ABCA13: variants seen among roughly 807,000 people sequenced by gnomAD.
The protein encoded by ABCA13 is ATP binding cassette subfamily A member 13, also known as ATP-binding cassette sub-family A member 13.
In ABCA13, 476 loss-of-function variants were observed where a neutral mutation model predicts 478.7. The observed-to-expected ratio is 0.99, with a 90% CI of 0.92 to 1.07. The LOEUF (loss-of-function observed/expected upper bound fraction) is 1.07. Among genes scored for constraint, ABCA13 ranks in the 50% least tolerant of loss-of-function variants. The pLI is 0.00. For synonymous variants in ABCA13, 2,252 were observed against 2,158.9 expected (o/e 1.04, Z -1.20); for missense variants, 6,060 against 5,910.6 (o/e 1.03, Z -0.83).
intron 46 of ABCA13, among the ~76,000 whole-genome samples, chr7:48,481,649 G>A (rs150901668): frequency 0.031 from 2,223 of 71,570 alleles, 64 homozygotes; most frequent in African/African-American, 0.1. Context: ...GGGTCTACAG[G>A]CACCTGCCAC....
chr7:48,289,434 C>T (rs1219006139), intron 20 of ABCA13, among the ~76,000 whole-genome samples: 1 of 150,394 alleles, frequency 6.6e-6, no homozygotes, highest in Non-Finnish European at 1.5e-5. Context: ...TCTCGGCTCA[C>T]TGCAACCTCT....
At chr7:48,230,809 A>G (rs999930131) in intron 7 of ABCA13, among the ~76,000 whole-genome samples, 1 of 152,090 alleles carries the variant, frequency 6.6e-6, no homozygotes, top group Non-Finnish European at 1.5e-5. Context: ...CCACCTCCCC[A>G]TTCATCTACT....
intron 20 of ABCA13, among the ~76,000 whole-genome samples, chr7:48,291,167 T>C (rs1798480024): frequency 6.6e-6 from 1 of 152,142 alleles, no homozygotes; most frequent in African/African-American, 2.4e-5. Flanking sequence ...AAATGGGGTC[T>C]GTGCACATTA....
At chr7:48,478,837 T>G (rs1284043788) in intron 45 of ABCA13, among the ~76,000 whole-genome samples, 1 of 152,078 alleles carries the variant, frequency 6.6e-6, no homozygotes, top group Non-Finnish European at 1.5e-5. Context: ...CCTTGAAGCT[T>G]CTTTAGCTCA....
intron 41 of ABCA13, among the ~76,000 whole-genome samples, chr7:48,425,198 C>T (rs1402827585): frequency 2.0e-5 from 3 of 152,246 alleles, no homozygotes; most frequent in Middle Eastern, 6.8e-3. Context: ...TGTGCATATA[C>T]ATTCACACAT....
intron 31 of ABCA13, among the ~76,000 whole-genome samples, chr7:48,362,261 T>C (rs1810972941): frequency 6.6e-6 from 1 of 150,392 alleles, no homozygotes; most frequent in Admixed American, 6.6e-5. Flanking sequence ...CCTGTGGAGT[T>C]TGGCTTTTGG....
intron 31 of ABCA13, among the ~76,000 whole-genome samples, chr7:48,365,879 C>G (rs1477280556): frequency 1.3e-5 from 2 of 152,046 alleles, no homozygotes; most frequent in Non-Finnish European, 2.9e-5. Context: ...GAAAAGATAT[C>G]CTATGCTTAT....
intron 20 of ABCA13, among the ~76,000 whole-genome samples, chr7:48,292,488 T>C (rs1317398793): frequency 6.6e-6 from 1 of 152,144 alleles, no homozygotes; most frequent in East Asian, 1.9e-4. Context: ...GTTACTCCTT[T>C]GCTGAGAGTG....
intron 41 of ABCA13, among the ~76,000 whole-genome samples, chr7:48,421,633 G>C (rs1820754024): frequency 6.6e-6 from 1 of 152,120 alleles, no homozygotes; most frequent in Non-Finnish European, 1.5e-5. Context: ...CCCAGCCCTG[G>C]CTCTAGAATC....
At chr7:48,600,187 C>T (rs1187534266) in intron 58 of ABCA13, among the ~76,000 whole-genome samples, 1 of 152,094 alleles carries the variant, frequency 6.6e-6, no homozygotes, top group Non-Finnish European at 1.5e-5. Flanking sequence ...TTTACTCTAG[C>T]AGTATGTTTT....
At chr7:48,190,184 A>G (rs568982693) in intron 1 of ABCA13, among the ~76,000 whole-genome samples, 1 of 152,194 alleles carries the variant, frequency 6.6e-6, no homozygotes, top group Non-Finnish European at 1.5e-5. Flanking sequence ...AAAAATCCAC[A>G]TTAAAAATCA....
At position 48,272,203 on chromosome 7, in the gene ABCA13, A is replaced by G; in HGVS notation, c.2537A>G (p.Lys846Arg). 1 of 1,611,572 alleles carries G rather than the reference A, an allele frequency of 6.2e-7. No homozygotes were observed. Among genetic ancestry groups the G allele is most frequent in the South Asian group, 1.1e-5 (1 of 90,488 alleles). ...ELWAYGISKG[K>R]RAKLENFFTL... ...TGGGCCTATGGCATTTCAAAAGGAA[A>G]AAGAGCTAAATTGGAAAACTTCTTT... is the stretch of plus-strand genomic sequence containing the variant. Residue 846 changes from lysine to arginine, a missense_variant, in exon 17 of 62, where the codon AAA becomes AGA. This residue lies in a region of ABCA13 where 4,423 missense variants were observed against 4,309.1 expected (regional missense o/e 1.03). Coordinates refer to ENST00000435803, the MANE Select transcript of ABCA13 (RefSeq NM_152701.5).
intron 15 of ABCA13, among the ~76,000 whole-genome samples, chr7:48,253,186 C>G (rs1792836666): frequency 6.6e-6 from 1 of 152,200 alleles, no homozygotes; most frequent in African/African-American, 2.4e-5. Flanking sequence ...GGTCTGCAGA[C>G]TCCCTGCAGC....
intron 2 of ABCA13, among the ~76,000 whole-genome samples, chr7:48,196,838 T>C (rs1454457168): frequency 6.6e-6 from 1 of 152,148 alleles, no homozygotes; most frequent in African/African-American, 2.4e-5. Flanking sequence ...CACCACCATG[T>C]GGAAGATGTT....
At chr7:48,196,518 G>C (rs1217822831) in intron 2 of ABCA13, among the ~76,000 whole-genome samples, 3 of 152,112 alleles carry the variant, frequency 2.0e-5, no homozygotes, top group Admixed American at 2.0e-4. Context: ...GGCTCCCAGG[G>C]CTGCTGTGAG....
chr7:48,248,126 T>G, intron 13 of ABCA13, 113 bp from the exon 14 acceptor site: 1 of 807,494 alleles, frequency 1.2e-6, no homozygotes, highest in Admixed American at 2.6e-5. Flanking sequence ...CGATCTTTGA[T>G]GTACAGTTTG....
chr7:48,258,247 T>C, intron 15 of ABCA13, among the ~76,000 whole-genome samples: 1 of 152,212 alleles, frequency 6.6e-6, no homozygotes, highest in Non-Finnish European at 1.5e-5. Context: ...TTTAAATTAC[T>C]GATTCAATTT....
intron 42 of ABCA13, among the ~76,000 whole-genome samples, chr7:48,436,934 A>G (rs1244322670): frequency 6.6e-6 from 1 of 151,902 alleles, no homozygotes; most frequent in Admixed American, 6.6e-5. Context: ...GTTATGTAGT[A>G]TAACATGTGA....
At chr7:48,323,622 A>G (rs1803856040) in intron 27 of ABCA13, among the ~76,000 whole-genome samples, 1 of 152,230 alleles carries the variant, frequency 6.6e-6, no homozygotes, top group Non-Finnish European at 1.5e-5. Context: ...TAATATCCCC[A>G]TTCTATAGCT....
Sources: allele counts gnomAD v4.1 joint callset (sites outside exome capture counted in the v4.1 genomes callset), GRCh38; gene constraint gnomAD v4.1.1; regional missense constraint gnomAD v4.1.1; transcripts MANE v1.5; gene names NCBI Gene and HGNC (gene_info 2026-07-23, HGNC 2026-07-21).